RSPH10B: variants seen among roughly 807,000 people sequenced by gnomAD.
RSPH10B encodes radial spoke head 10 homolog B (Chlamydomonas).
RSPH10B carries 7 observed loss-of-function variants against 52.5 expected under a neutral mutation model. That is an observed-to-expected ratio of 0.13 (90% CI 0.08 to 0.25). The LOEUF is 0.25. Ranked by LOEUF, RSPH10B falls within the 10% of genes least tolerant of loss-of-function variation. The pLI is 1.00. For synonymous variants in RSPH10B, 28 were observed against 193.2 expected (o/e 0.14, Z 7.09); for missense variants, 89 against 542.5 (o/e 0.16, Z 8.30).
At chr7:5,963,902 CA>C (rs529339716) in intron 3 of RSPH10B, among the ~76,000 whole-genome samples, 3,203 of 83,026 alleles carry the variant, frequency 0.039, 22 homozygotes, top group African/African-American at 0.12. Flanking sequence ...CCTGTCTCTA[CA>C]AAAAAAAAAA....
intron 13 of RSPH10B, among the ~76,000 whole-genome samples, chr7:5,942,914 A>ATT (rs1780276328): frequency 2.6e-5 from 3 of 113,730 alleles, no homozygotes; most frequent in African/African-American, 1.0e-4. Context: ...ATATTTATTT[A>ATT]TATATATATA....
At chr7:5,927,111 A>T (rs2128618985) in intron 18 of RSPH10B, among the ~76,000 whole-genome samples, 1 of 98,186 alleles carries the variant, frequency 1.0e-5, no homozygotes, top group African/African-American at 3.7e-5. Flanking sequence ...TTTTTTTTTG[A>T]GATAGGGTCT....
rs1172159541 is a variant in RSPH10B, at chr7:5,952,894, C to CA, written c.1102+180dup. The stretch of plus-strand genomic sequence containing the variant: ...AGCTGCGATTACAGGCGCCTGCCAC[C>CA]ACGCCTGGCTAATTTTTTTTTATTT... On this transcript the variant is annotated intron_variant, in intron 8 of 18. Coordinates refer to ENST00000337579, the Ensembl canonical transcript of RSPH10B. Among the ~76,000 whole-genome samples, 22 of 69,962 alleles carry CA rather than the reference C, an allele frequency of 3.1e-4. 1 individual carries two copies. The highest frequency in any genetic ancestry group is 4.8e-4 in the Admixed American group (3 of 6,274). 45.9% of individuals were successfully genotyped at this position (69,962 alleles called of 152,430 possible).
At position 5,960,079 on chromosome 7, in the gene RSPH10B, A is replaced by ACACACAC. The variant is rs1239331678; in HGVS notation, c.573+611_573+612insGTGTGTG. Among the ~76,000 whole-genome samples, 2 of 17,404 alleles carry ACACACAC rather than the reference A, an allele frequency of 1.1e-4. 1 individual carries two copies. The highest frequency in any genetic ancestry group is 7.3e-4 in the African/African-American group (2 of 2,736). The allele number at this position is 17,404 out of a possible 152,430, so 11.4% of individuals were successfully genotyped here. On this transcript the variant is annotated intron_variant, in intron 4 of 18. Coordinates refer to ENST00000337579, the Ensembl canonical transcript of RSPH10B. ...CACACACACACACACACACACACAC[A>ACACACAC]ACAACAACAACAACACAACTCAATA... is the stretch of plus-strand genomic sequence containing the variant.
intron 15 of RSPH10B, among the ~76,000 whole-genome samples, chr7:5,937,104 A>AT (rs1554286455): frequency 2.7e-4 from 16 of 60,210 alleles, no homozygotes; most frequent in East Asian, 2.2e-3. Flanking sequence ...AAAAAAAAAA[A>AT]AGAATTAGCT....
chr7:5,968,677 T>C (rs1267341852), upstream of RSPH10B, among the ~76,000 whole-genome samples: 2 of 66,852 alleles, frequency 3.0e-5, 1 homozygote, highest in East Asian at 8.4e-4. Context: ...TGGCTAATTC[T>C]TTTTGTATTT....
Position 5,940,152 on chromosome 7 carries a change from G to C in RSPH10B, c.1759-1323C>G, listed in dbSNP as rs1291164282. The stretch of plus-strand genomic sequence containing the variant: ...GCAGAGGTTGCAGTGAGGTGAGATC[G>C]TGCCACCGCACTCCAGCCTGGGTGA... On this transcript the variant is annotated intron_variant, in intron 13 of 18. Coordinates refer to ENST00000337579, the Ensembl canonical transcript of RSPH10B. Among the ~76,000 whole-genome samples, 2 of 106,522 alleles carry C rather than the reference G, an allele frequency of 1.9e-5. 1 individual carries two copies. Among genetic ancestry groups the C allele is most frequent in the Non-Finnish European group, 4.3e-5 (2 of 46,060 alleles). 69.9% of individuals were successfully genotyped at this position (106,522 alleles called of 152,430 possible). A position where few individuals can be genotyped will look rare whatever the true frequency, so the allele number is the denominator to read the frequency against.
rs1176617964 is a variant in RSPH10B at position 5,941,742 on chromosome 7, A to G, written c.1758+1582T>C. On this transcript the variant is annotated intron_variant, in intron 13 of 18. Transcript: ENST00000337579. ...CTGGCAAAAGAGCGAGACTTTGTCT[A>G]AAAAAAAAAAAGTATCATGGAACAA... is the stretch of plus-strand genomic sequence containing the variant. Among the ~76,000 whole-genome samples the G allele has an allele frequency of 5.4e-5, 7 of 128,986 alleles. No individual in the cohort carries two copies. In the East Asian group the frequency reaches 1.2e-3, roughly 22 times the overall value. 84.6% of individuals were successfully genotyped at this position (128,986 alleles called of 152,430 possible).
intron 4 of RSPH10B, among the ~76,000 whole-genome samples, chr7:5,960,407 C>A: frequency 1.6e-5 from 1 of 63,428 alleles, no homozygotes; most frequent in African/African-American, 5.9e-5. Context: ...AGCAAGACTC[C>A]ATCTCAAAAA....
intron 18 of RSPH10B, among the ~76,000 whole-genome samples, chr7:5,927,045 G>GTGTGTGTGTGTGTGTGTA (rs71762251): frequency 0.014 from 1,770 of 122,862 alleles, 12 homozygotes; most frequent in Admixed American, 0.021. Context: ...GTGTGTGTGT[G>GTGTGTGTGTGTGTGTGTA]TATTATGTGT....
upstream of RSPH10B, among the ~76,000 whole-genome samples, chr7:5,968,834 TTTG>T (rs1266799516): frequency 1.8e-5 from 1 of 56,514 alleles, no homozygotes; most frequent in African/African-American, 5.4e-5. Context: ...GTTTTTTGGG[TTTG>T]TTTTTTTTTT....
chr7:5,960,079 A>ACAC lies in RSPH10B; in HGVS notation c.573+611_573+612insGTG, dbSNP rs1239331678. On this transcript the variant is annotated intron_variant, in intron 4 of 18. Coordinates refer to ENST00000337579, the Ensembl canonical transcript of RSPH10B. The stretch of plus-strand genomic sequence containing the variant: ...CACACACACACACACACACACACAC[A>ACAC]ACAACAACAACAACACAACTCAATA... 8.0e-4 allele frequency among the ~76,000 whole-genome samples: 14 copies of ACAC among 17,432 alleles called. 1 individual carries two copies. In the South Asian group the frequency reaches 0.014, roughly 17 times the overall value. The allele number at this position is 17,432 out of a possible 152,430, so 11.4% of individuals were successfully genotyped here. A position where few individuals can be genotyped will look rare whatever the true frequency, so the allele number is the denominator to read the frequency against.
At chr7:5,950,309 G>A (rs1305332752) in intron 9 of RSPH10B, among the ~76,000 whole-genome samples, 4 of 151,994 alleles carry the variant, frequency 2.6e-5, no homozygotes, top group Admixed American at 6.6e-5. Context: ...AGTGGCTCAC[G>A]CCTGTAATCC....
At chr7:5,927,050 A>G (rs966739206) in intron 18 of RSPH10B, among the ~76,000 whole-genome samples, 3,185 of 53,926 alleles carry the variant, frequency 0.059, 18 homozygotes, top group East Asian at 0.14. Flanking sequence ...TGTGTGTATT[A>G]TGTGTGTGTG....
intron 13 of RSPH10B, among the ~76,000 whole-genome samples, chr7:5,942,345 G>C (rs1372556220): frequency 7.5e-6 from 1 of 132,528 alleles, no homozygotes; most frequent in Admixed American, 8.1e-5. Context: ...GCTTACTACA[G>C]CTTCCCGAGT....
chr7:5,958,950 CCTT>C (rs1780833537), intron 5 of RSPH10B, 40 bp downstream of exon 7: 2 of 1,321,950 alleles, frequency 1.5e-6, no homozygotes, highest in African/African-American at 2.9e-5. Context: ...GCCCACAAAC[CCTT>C]CTTCATCTAC....
intron 3 of RSPH10B, among the ~76,000 whole-genome samples, chr7:5,961,324 G>T (rs1780934117): frequency 6.9e-6 from 1 of 145,898 alleles, no homozygotes; most frequent in African/African-American, 2.5e-5. Context: ...CCTGTCTCTA[G>T]AAAAAGATTT....
chr7:5,929,320 C>T (rs1318326783), intron 17 of RSPH10B, among the ~76,000 whole-genome samples: 4 of 135,000 alleles, frequency 3.0e-5, no homozygotes, highest in Non-Finnish European at 6.2e-5. Context: ...GCTGGGACCA[C>T]AGGCGGGTGC....
intron 11 of RSPH10B, among the ~76,000 whole-genome samples, chr7:5,944,352 C>T (rs1350045769): frequency 2.7e-5 from 4 of 150,542 alleles, no homozygotes; most frequent in East Asian, 2.0e-4. Context: ...GAGCCGAGAT[C>T]GCGCCACTGC....
Sources: allele counts gnomAD v4.1 joint callset (sites outside exome capture counted in the v4.1 genomes callset), GRCh38; gene constraint gnomAD v4.1.1; transcripts MANE v1.5; gene names NCBI Gene and HGNC (gene_info 2026-07-23, HGNC 2026-07-21).